The following STARD13 variants were observed in gnomAD, a reference collection of about 807,000 sequenced individuals.
The protein encoded by STARD13 is stAR-related lipid transfer protein 13.
In STARD13, 62 loss-of-function variants were observed where a neutral mutation model predicts 106.4. That is an observed-to-expected ratio of 0.58 (90% CI 0.48 to 0.72). The LOEUF (loss-of-function observed/expected upper bound fraction) is 0.72, where lower values mean the gene tolerates loss of function less well. STARD13 is among the 30% of genes least tolerant of loss of function. STARD13 has a pLI of 0.00. For missense variants in STARD13, 1,387 were observed against 1,424.0 expected, an observed-to-expected ratio of 0.97 and a Z score of 0.42; for synonymous variants, 565 against 553.0, an observed-to-expected ratio of 1.02 and a Z score of -0.31.
chr13:33,471,957 A>C, the STARD13 span, among the ~76,000 whole-genome samples: 1 of 152,130 alleles, frequency 6.6e-6, no homozygotes, highest in Non-Finnish European at 1.5e-5. Context: ...TATGGCATCT[A>C]TATATGTGAA....
At chr13:33,302,598 T>C (rs1892762446) in intron 1 of STARD13, among the ~76,000 whole-genome samples, 1 of 151,216 alleles carries the variant, frequency 6.6e-6, no homozygotes, top group Non-Finnish European at 1.5e-5. Flanking sequence ...AATGTTTGTA[T>C]TTTTGGCCAT....
chr13:33,132,193 A>T (rs1307917441), intron 4 of STARD13, among the ~76,000 whole-genome samples: 1 of 152,242 alleles, frequency 6.6e-6, no homozygotes, highest in Non-Finnish European at 1.5e-5. Context: ...TCTATGGCTT[A>T]GAAGTCAGGT....
intron 7 of STARD13, 126 bp from the exon 8 acceptor site, chr13:33,118,389 A>G: frequency 1.3e-6 from 1 of 760,548 alleles, no homozygotes; most frequent in African/African-American, 1.7e-5. Context: ...AACTACTAGT[A>G]TAGCTACTTT....
intron 1 of STARD13, among the ~76,000 whole-genome samples, chr13:33,240,594 C>T (rs1251946983): frequency 1.3e-5 from 2 of 152,120 alleles, no homozygotes; most frequent in South Asian, 2.1e-4. Context: ...AAGTCTTTTG[C>T]CTTTTGGTTA....
chr13:33,534,120 T>C, the STARD13 span, among the ~76,000 whole-genome samples: 2 of 152,218 alleles, frequency 1.3e-5, no homozygotes, highest in African/African-American at 4.8e-5. Flanking sequence ...GAAAGCCTAC[T>C]AGCAACCCTG....
the STARD13 span, among the ~76,000 whole-genome samples, chr13:33,427,848 G>A: frequency 3.9e-5 from 6 of 151,950 alleles, no homozygotes; most frequent in East Asian, 1.9e-4. Context: ...CTAGCTACTC[G>A]GGAGGCAGAG....
At chr13:33,499,519 T>TTTCTTC in the STARD13 span, among the ~76,000 whole-genome samples, 226 of 91,936 alleles carry the variant, frequency 2.5e-3, 4 homozygotes, top group Non-Finnish European at 3.1e-3. Flanking sequence ...TTCTTCTTTC[T>TTTCTTC]TTCTTCTTCT....
the STARD13 span, among the ~76,000 whole-genome samples, chr13:33,668,230 A>G: frequency 6.6e-6 from 1 of 152,214 alleles, no homozygotes; most frequent in East Asian, 1.9e-4. Flanking sequence ...CTTTGCACCT[A>G]CCTAATTGTT....
the STARD13 span, among the ~76,000 whole-genome samples, chr13:33,529,431 G>C: frequency 6.6e-6 from 1 of 152,098 alleles, no homozygotes; most frequent in Admixed American, 6.6e-5. Context: ...GAACCCAATG[G>C]TGTTACAACG....
exon 1 of STARD13, chr13:33,350,563 C>A (rs1011495958): frequency 1.4e-6 from 2 of 1,398,582 alleles, no homozygotes; most frequent in Non-Finnish European, 1.9e-6. Flanking sequence ...GTCGGTCCGG[C>A]GCTGGGAGGC....
chr13:33,355,886 T>A, the STARD13 span, among the ~76,000 whole-genome samples: 1 of 152,208 alleles, frequency 6.6e-6, no homozygotes, highest in African/African-American at 2.4e-5. Flanking sequence ...GGTTTTGTTC[T>A]GTTAATTAAA....
chr13:33,370,497 T>A, the STARD13 span, among the ~76,000 whole-genome samples: 2 of 152,198 alleles, frequency 1.3e-5, no homozygotes, highest in Non-Finnish European at 2.9e-5. Flanking sequence ...TGGTGCTTGG[T>A]TATAATTTAA....
At chr13:33,452,244 G>T in the STARD13 span, among the ~76,000 whole-genome samples, 1 of 152,034 alleles carries the variant, frequency 6.6e-6, no homozygotes, top group African/African-American at 2.4e-5. Flanking sequence ...GCCATGGTGG[G>T]CAGCCAATAG....
At chr13:33,288,995 G>A (rs778587070), upstream of STARD13, among the ~76,000 whole-genome samples, 4 of 152,162 alleles carry the variant, frequency 2.6e-5, no homozygotes, top group Non-Finnish European at 5.9e-5. Context: ...GGGTAGACAG[G>A]TCTGTTGTAT....
the STARD13 span, among the ~76,000 whole-genome samples, chr13:33,537,226 G>A: frequency 6.6e-6 from 1 of 152,208 alleles, no homozygotes; most frequent in Non-Finnish European, 1.5e-5. Flanking sequence ...GCAGCATTCA[G>A]CATTTAGTGG....
At chr13:33,589,976 G>A in the STARD13 span, among the ~76,000 whole-genome samples, 4 of 152,164 alleles carry the variant, frequency 2.6e-5, no homozygotes, top group African/African-American at 9.6e-5. Flanking sequence ...TATGAATCTG[G>A]GTGCTCCGGT....
At chr13:33,207,581 A>G (rs1887490373) in intron 1 of STARD13, among the ~76,000 whole-genome samples, 1 of 152,180 alleles carries the variant, frequency 6.6e-6, no homozygotes. Flanking sequence ...AAGTAACACG[A>G]GAGATTTTGT....
At chr13:33,496,838 A>G in the STARD13 span, among the ~76,000 whole-genome samples, 1 of 152,232 alleles carries the variant, frequency 6.6e-6, no homozygotes, top group South Asian at 2.1e-4. Flanking sequence ...TTCAAATTCT[A>G]TTAGATCCTT....
At chr13:33,588,161 G>A in the STARD13 span, among the ~76,000 whole-genome samples, 3 of 152,044 alleles carry the variant, frequency 2.0e-5, no homozygotes, top group Non-Finnish European at 1.5e-5. Context: ...GAAATTCCAG[G>A]CTTGTATCTC....
Sources: gnomAD v4.1 joint callset for allele counts (sites outside exome capture counted in the v4.1 genomes callset) on GRCh38, gnomAD v4.1.1 for gene constraint, MANE v1.5 for transcripts, NCBI Gene and HGNC (gene_info 2026-07-23, HGNC 2026-07-21) for gene names.